Variants in CDH13 observed in about 807,000 individuals in gnomAD.
CDH13 encodes cadherin 13.
Under a neutral mutation model 63.8 loss-of-function variants are expected in CDH13, and 24 were observed. The ratio of observed to expected loss-of-function variants is 0.38; its 90% CI spans 0.27 to 0.53. The LOEUF (loss-of-function observed/expected upper bound fraction) is 0.53, where lower values mean the gene tolerates loss of function less well. Among genes scored for constraint, CDH13 ranks in the 20% least tolerant of loss-of-function variants. The pLI is 0.85. For synonymous variants in CDH13, 503 were observed against 355.3 expected, an observed-to-expected ratio of 1.42 and a Z score of -4.67; for missense variants, 1,049 against 903.1, an observed-to-expected ratio of 1.16 and a Z score of -2.07.
chr16:82,894,090 G>A (rs140107843), intron 2 of CDH13, among the ~76,000 whole-genome samples: 8 of 152,226 alleles, frequency 5.3e-5, no homozygotes, highest in Admixed American at 2.6e-4. Context: ...AGCTCAATCC[G>A]TTGTCTGTAC....
chr16:83,195,455 G>A (rs1193356954), intron 4 of CDH13, among the ~76,000 whole-genome samples: 2 of 152,144 alleles, frequency 1.3e-5, no homozygotes, highest in Non-Finnish European at 2.9e-5. Context: ...ATGGCAGAAG[G>A]CAAAGTGGGA....
chr16:82,669,410 GA>G (rs957319958), intron 1 of CDH13, among the ~76,000 whole-genome samples: 3 of 152,196 alleles, frequency 2.0e-5, no homozygotes, highest in Admixed American at 2.0e-4. Context: ...AAAGTCTACA[GA>G]GAAAATAGTG....
At position 83,260,246 on chromosome 16, in the gene CDH13, A is replaced by C. The variant is rs144444538; in HGVS notation, c.636+42749A>C. On this transcript the variant is annotated intron_variant, in intron 5 of 13. Transcript: ENST00000567109. ...ACTTAAAATACTGGTCATGACCTATAAATTGATTTTATGATCTAAAAATGA... is the reference window on the plus strand; with the variant it reads ...ACTTAAAATACTGGTCATGACCTATCAATTGATTTTATGATCTAAAAATGA... Among the ~76,000 whole-genome samples, 15 of 152,214 alleles carry C rather than the reference A, an allele frequency of 9.9e-5. No individual in the cohort carries two copies. The East Asian group carries it at 2.3e-3, about 24-fold the overall frequency.
intron 2 of CDH13, among the ~76,000 whole-genome samples, chr16:82,870,143 T>A (rs1045392642): frequency 1.3e-5 from 2 of 151,934 alleles, no homozygotes; most frequent in Non-Finnish European, 2.9e-5. Flanking sequence ...AAAATCTCAT[T>A]AAAAATGGGC....
At chr16:83,431,741 C>A (rs1035969073) in intron 6 of CDH13, among the ~76,000 whole-genome samples, 4 of 152,134 alleles carry the variant, frequency 2.6e-5, no homozygotes, top group African/African-American at 9.7e-5. Context: ...TAAGAACTCA[C>A]TCTCATGAGG....
At chr16:83,251,313 G>C (rs1332618138) in intron 5 of CDH13, among the ~76,000 whole-genome samples, 1 of 152,164 alleles carries the variant, frequency 6.6e-6, no homozygotes, top group Non-Finnish European at 1.5e-5. Context: ...TTAGGTACCA[G>C]ACATCATGTT....
At chr16:83,380,979 T>C (rs2091556509) in intron 6 of CDH13, among the ~76,000 whole-genome samples, 1 of 152,080 alleles carries the variant, frequency 6.6e-6, no homozygotes, top group Admixed American at 6.5e-5. Flanking sequence ...GTATATAACC[T>C]TCTTGTCTAT....
At chr16:83,458,567 G>C (rs941204545) in intron 6 of CDH13, among the ~76,000 whole-genome samples, 2 of 152,090 alleles carry the variant, frequency 1.3e-5, no homozygotes, top group South Asian at 4.2e-4. Flanking sequence ...AAATCTTGTG[G>C]TCATCTTTCC....
At chr16:82,684,663 T>C (rs1914883611) in intron 1 of CDH13, among the ~76,000 whole-genome samples, 1 of 152,032 alleles carries the variant, frequency 6.6e-6, no homozygotes, top group South Asian at 2.1e-4. Context: ...ACTGGTTCCA[T>C]AGCATGGAAC....
intron 2 of CDH13, among the ~76,000 whole-genome samples, chr16:82,937,119 A>G (rs2042692862): frequency 6.6e-6 from 1 of 152,198 alleles, no homozygotes; most frequent in Non-Finnish European, 1.5e-5. Context: ...AACTAGCATT[A>G]AACTAAACCC....
In CDH13 at chr16:83,032,194, G is replaced by C. The variant is rs368675786; in HGVS notation, c.342G>C (p.Gly114=). 1.2e-6 allele frequency: 2 copies of C among 1,613,510 alleles called. No homozygotes were observed. Among genetic ancestry groups the C allele is most frequent in the African/African-American group, 2.7e-5 (2 of 74,914 alleles). Residue 114 remains glycine, a synonymous_variant, in exon 3 of 14, where the codon GGG becomes GGC. Transcript: ENST00000567109. ...TGGCAGAACTCGTGATTGTCGGGGGGAAAGACATCCAGGGCTCCTTGCAGG... is the reference window on the plus strand; with the variant it reads ...TGGCAGAACTCGTGATTGTCGGGGGCAAAGACATCCAGGGCTCCTTGCAGG... ...EDMAELVIVG[G]KDIQGSLQDI...
At chr16:82,708,773 T>G (rs1345109381) in intron 1 of CDH13, among the ~76,000 whole-genome samples, 1 of 152,112 alleles carries the variant, frequency 6.6e-6, no homozygotes, top group Non-Finnish European at 1.5e-5. Context: ...AGCTGTCAGT[T>G]TTCTGAGACA....
At chr16:82,895,902 C>T (rs1205834021) in intron 2 of CDH13, among the ~76,000 whole-genome samples, 4 of 152,092 alleles carry the variant, frequency 2.6e-5, no homozygotes, top group Admixed American at 2.0e-4. Flanking sequence ...AGATCAGCCT[C>T]CCCTCTGCTC....
chr16:82,661,317 A>G (rs1911917879), intron 1 of CDH13, among the ~76,000 whole-genome samples: 1 of 152,338 alleles, frequency 6.6e-6, no homozygotes. Context: ...GCCAAACCCT[A>G]TTTATGCTTT....
chr16:83,715,347 A>T (rs3784956), intron 10 of CDH13, among the ~76,000 whole-genome samples: 1 of 152,078 alleles, frequency 6.6e-6, no homozygotes, highest in African/African-American at 2.4e-5. Context: ...GCAAGAATCC[A>T]TCTACTTTAT....
At chr16:83,398,402 C>G (rs2091918595) in intron 6 of CDH13, among the ~76,000 whole-genome samples, 1 of 152,136 alleles carries the variant, frequency 6.6e-6, no homozygotes. Flanking sequence ...TGGCCTCCTC[C>G]TCTTCTCTTT....
intron 5 of CDH13, among the ~76,000 whole-genome samples, chr16:83,324,962 C>T (rs954865559): frequency 2.0e-5 from 3 of 152,208 alleles, no homozygotes; most frequent in African/African-American, 7.2e-5. Context: ...TTTCCCACTT[C>T]TGTCACTCTA....
At chr16:83,033,005 C>A (rs1342743173) in intron 3 of CDH13, among the ~76,000 whole-genome samples, 1 of 150,984 alleles carries the variant, frequency 6.6e-6, no homozygotes, top group African/African-American at 2.5e-5. Flanking sequence ...TGCACATATA[C>A]CACATGTATG....
At chr16:82,864,661 G>A (rs536545767) in intron 2 of CDH13, among the ~76,000 whole-genome samples, 3 of 152,156 alleles carry the variant, frequency 2.0e-5, no homozygotes, top group South Asian at 2.1e-4. Context: ...GGAATCATGG[G>A]GATTACAATT....
Sources: gnomAD v4.1 joint callset for allele counts (sites outside exome capture counted in the v4.1 genomes callset) on GRCh38, gnomAD v4.1.1 for gene constraint, MANE v1.5 for transcripts, NCBI Gene and HGNC (gene_info 2026-07-23, HGNC 2026-07-21) for gene names.